The following COG5 variants were observed in gnomAD, a reference collection of about 807,000 sequenced individuals.
COG5 encodes component of oligomeric golgi complex 5, also known as conserved oligomeric Golgi complex subunit 5.
A neutral mutation model predicts 110.4 loss-of-function variants in COG5; 86 were observed. The observed-to-expected ratio is 0.78, with a 90% CI of 0.65 to 0.93. The LOEUF (loss-of-function observed/expected upper bound fraction) is 0.93, where lower values mean the gene tolerates loss of function less well. Ranked by LOEUF, COG5 falls within the 40% of genes least tolerant of loss-of-function variation. COG5 has a pLI of 0.00. For missense variants in COG5, 1,077 were observed against 987.0 expected (o/e 1.09, Z -1.22); for synonymous variants, 360 against 334.6 (o/e 1.08, Z -0.83).
chr7:107,396,287 C>A (rs759764025), intron 7 of COG5, among the ~76,000 whole-genome samples: 1 of 152,134 alleles, frequency 6.6e-6, no homozygotes, highest in Non-Finnish European at 1.5e-5. Flanking sequence ...AGTAGCTTTG[C>A]TGATTCAGTA....
At chr7:107,221,954 C>G (rs569583255) in intron 19 of COG5, among the ~76,000 whole-genome samples, 1 of 152,150 alleles carries the variant, frequency 6.6e-6, no homozygotes, top group South Asian at 2.1e-4. Flanking sequence ...TTACATTTTT[C>G]TTTTTTTCTT....
chr7:107,433,545 G>C (rs1445392588), intron 6 of COG5, among the ~76,000 whole-genome samples: 2 of 152,134 alleles, frequency 1.3e-5, no homozygotes, highest in African/African-American at 4.8e-5. Flanking sequence ...AATGATTTTT[G>C]ACAATGGTGC....
chr7:107,302,544 A>G (rs567031960), intron 11 of COG5, among the ~76,000 whole-genome samples: 8 of 152,320 alleles, frequency 5.3e-5, no homozygotes, highest in South Asian at 4.1e-4. Context: ...GCTATACCTC[A>G]GTAAAGCTAT....
At chr7:107,386,102 T>G (rs1265614661) in intron 7 of COG5, among the ~76,000 whole-genome samples, 1 of 151,984 alleles carries the variant, frequency 6.6e-6, no homozygotes, top group Non-Finnish European at 1.5e-5. Flanking sequence ...AGAAGGTTTT[T>G]ACAAAAGCCT....
At chr7:107,340,798 A>T (rs1811112914) in intron 10 of COG5, among the ~76,000 whole-genome samples, 1 of 152,200 alleles carries the variant, frequency 6.6e-6, no homozygotes, top group African/African-American at 2.4e-5. Flanking sequence ...TCATCTCAAT[A>T]GATGCAGACA....
chr7:107,240,247 T>C (rs1469158667), intron 17 of COG5, among the ~76,000 whole-genome samples: 2 of 152,214 alleles, frequency 1.3e-5, no homozygotes, highest in Admixed American at 6.5e-5. Context: ...GATCTCACTC[T>C]GTCACTCAGG....
chr7:107,495,568 T>A (rs983220235), intron 6 of COG5, among the ~76,000 whole-genome samples: 1 of 152,000 alleles, frequency 6.6e-6, no homozygotes, highest in Admixed American at 6.6e-5. Context: ...GATAACATGA[T>A]CCATATGCAT....
At chr7:107,353,013 T>A (rs570590543) in intron 10 of COG5, among the ~76,000 whole-genome samples, 1 of 152,330 alleles carries the variant, frequency 6.6e-6, no homozygotes, top group South Asian at 2.1e-4. Flanking sequence ...TAGACAGTGA[T>A]AATAAAACTC....
intron 11 of COG5, among the ~76,000 whole-genome samples, chr7:107,308,338 T>A (rs1168891279): frequency 2.0e-5 from 3 of 152,180 alleles, no homozygotes. Context: ...GGCTTTGGGA[T>A]TTTTAAACAC....
chr7:107,458,471 T>C (rs1405898077), intron 6 of COG5, among the ~76,000 whole-genome samples: 2 of 152,212 alleles, frequency 1.3e-5, no homozygotes, highest in African/African-American at 2.4e-5. Flanking sequence ...TCTAACATTA[T>C]ACATGATGTG....
At chr7:107,437,369 C>T (rs1246178160) in intron 6 of COG5, among the ~76,000 whole-genome samples, 1 of 152,126 alleles carries the variant, frequency 6.6e-6, no homozygotes, top group Non-Finnish European at 1.5e-5. Context: ...CATTTTAAAA[C>T]AACAAGCCAA....
At chr7:107,485,254 C>A (rs947330495) in intron 6 of COG5, among the ~76,000 whole-genome samples, 1 of 152,138 alleles carries the variant, frequency 6.6e-6, no homozygotes, top group East Asian at 1.9e-4. Context: ...AGCTAAAGAA[C>A]TGAACTTTCA....
Position 107,203,345 on chromosome 7 carries a change from T to G in COG5, c.*171A>C, listed in dbSNP as rs1798496417. On this transcript the variant is annotated 3_prime_UTR_variant, in exon 22 of 22. Transcript: ENST00000297135. ...TGAAAGGTGGTGATAACTCAACATT[T>G]TTTATGCTAAAGTATAAGTGCTAAA... 7.2e-5 allele frequency: 45 copies of G among 624,184 alleles called. No homozygotes were observed. In the South Asian group the frequency reaches 8.2e-4, roughly 11 times the overall value. The allele number at this position is 624,184 out of a possible 1,614,324, so 38.7% of individuals were successfully genotyped here. A position where few individuals can be genotyped will look rare whatever the true frequency, so the allele number is the denominator to read the frequency against.
At chr7:107,324,141 A>G (rs1364593633) in intron 11 of COG5, among the ~76,000 whole-genome samples, 1 of 152,060 alleles carries the variant, frequency 6.6e-6, no homozygotes, top group African/African-American at 2.4e-5. Flanking sequence ...TGCTTTACAC[A>G]CTCTACGTAG....
chr7:107,244,175 C>T (rs897040569), intron 17 of COG5, among the ~76,000 whole-genome samples: 18 of 152,058 alleles, frequency 1.2e-4, no homozygotes, highest in African/African-American at 3.9e-4. Flanking sequence ...TCGCTTGAAC[C>T]GAGGAGGTGG....
At chr7:107,537,454 C>G (rs185321844) in intron 5 of COG5, among the ~76,000 whole-genome samples, 11 of 152,200 alleles carry the variant, frequency 7.2e-5, no homozygotes, top group Non-Finnish European at 1.2e-4. Context: ...AAAGATGAAG[C>G]TGGAAACCAT....
intron 7 of COG5, among the ~76,000 whole-genome samples, chr7:107,397,705 C>G (rs971306420): frequency 6.6e-6 from 1 of 152,108 alleles, no homozygotes; most frequent in African/African-American, 2.4e-5. Flanking sequence ...CAAATATGCA[C>G]AGTTGATGAG....
Position 107,236,550 on chromosome 7 carries a change from G to C in COG5, c.1991C>G (p.Ala664Gly), listed in dbSNP as rs766731849. Reference protein sequence around the residue: ...CLDFVFDNTEAIAQRAVELFI... With the variant: ...CLDFVFDNTEGIAQRAVELFI... Reference sequence around the variant, plus strand: ...AAGTTCAACAGCTCTTTGGGCAATAGCCTCAGTGTTGTCAAAGACAAAATC... The same window carrying C: ...AAGTTCAACAGCTCTTTGGGCAATACCCTCAGTGTTGTCAAAGACAAAATC... The change falls in exon 18 of 22, where the codon GCT becomes GGT. Residue 664 changes from alanine to glycine, a missense_variant. Transcript: ENST00000297135. 2 of 1,614,062 alleles carry C rather than the reference G, an allele frequency of 1.2e-6. No individual in the cohort carries two copies. Among genetic ancestry groups the C allele is most frequent in the Middle Eastern group, 1.6e-4 (1 of 6,062 alleles).
At chr7:107,253,390 C>T (rs1398641477) in intron 16 of COG5, 3 of 152,102 alleles carry the variant, frequency 2.0e-5, no homozygotes, top group South Asian at 2.1e-4. Context: ...GTTAAAATTA[C>T]AAAAATATTG....
Sources: allele counts gnomAD v4.1 joint callset (sites outside exome capture counted in the v4.1 genomes callset), GRCh38; gene constraint gnomAD v4.1.1; transcripts MANE v1.5; gene names NCBI Gene and HGNC (gene_info 2026-07-23, HGNC 2026-07-21).